The following ARHGAP21 variants were observed in gnomAD, a reference collection of about 807,000 sequenced individuals.
The protein encoded by ARHGAP21 is rho GTPase-activating protein 21.
Under a neutral mutation model 164.6 loss-of-function variants are expected in ARHGAP21, and 38 were observed. That is an observed-to-expected ratio of 0.23 (90% confidence interval 0.18 to 0.30). The LOEUF (loss-of-function observed/expected upper bound fraction) is 0.30. Among genes scored for constraint, ARHGAP21 ranks in the 10% least tolerant of loss-of-function variants. The pLI is 1.00. For synonymous variants in ARHGAP21, 766 were observed against 857.9 expected (o/e 0.89, Z 1.87); for missense variants, 1,822 against 2,370.7 (o/e 0.77, Z 4.81).
chr10:24,652,370 A>T (rs796520015), intron 4 of ARHGAP21, among the ~76,000 whole-genome samples: 121 of 152,318 alleles, frequency 7.9e-4, no homozygotes, highest in African/African-American at 2.7e-3. Context: ...CTTAATTGTG[A>T]ATAACGCATC....
intron 2 of ARHGAP21, among the ~76,000 whole-genome samples, chr10:24,672,520 A>C (rs1840809161): frequency 6.6e-6 from 1 of 152,128 alleles, no homozygotes; most frequent in African/African-American, 2.4e-5. Context: ...ATTATTCCCA[A>C]ATCTGTATTT....
At chr10:24,593,979 A>C (rs2130807660) in intron 21 of ARHGAP21, among the ~76,000 whole-genome samples, 1 of 151,994 alleles carries the variant, frequency 6.6e-6, no homozygotes, top group South Asian at 2.1e-4. Context: ...AGAGGTTGAC[A>C]CTCTTCTCAT....
chr10:24,675,629 T>C lies in ARHGAP21; in HGVS notation c.64-5232A>G, dbSNP rs573303293. ...AGAAGCAGCAATAGGATGCTTATCA[T>C]GAAATTCAAGAAAGTGGTTATCCTG... is the stretch of plus-strand genomic sequence containing the variant. On this transcript the variant is annotated intron_variant, in intron 2 of 25. Coordinates refer to ENST00000396432, the MANE Select transcript of ARHGAP21 (RefSeq NM_020824.4). Among the ~76,000 whole-genome samples the C allele has an allele frequency of 2.6e-5, 4 of 152,238 alleles. No individual in the cohort carries two copies. In the South Asian group the frequency reaches 6.2e-4, roughly 24 times the overall value.
At chr10:24,656,389 TG>T (rs1252374689) in intron 4 of ARHGAP21, among the ~76,000 whole-genome samples, 22 of 67,774 alleles carry the variant, frequency 3.2e-4, no homozygotes, top group African/African-American at 7.5e-4. Flanking sequence ...GGGAGGGAGG[TG>T]GGGGGGTCAG....
chr10:24,701,240 G>A (rs146019509), intron 2 of ARHGAP21, among the ~76,000 whole-genome samples: 146 of 152,264 alleles, frequency 9.6e-4, no homozygotes, highest in African/African-American at 3.2e-3. Context: ...TTTCCCCAGG[G>A]AGAGAGGGAA....
intron 4 of ARHGAP21, among the ~76,000 whole-genome samples, chr10:24,644,517 T>C (rs1837372552): frequency 6.6e-6 from 1 of 152,156 alleles, no homozygotes. Context: ...GTCTTCCTCC[T>C]CCCTTCCGTC....
At chr10:24,605,456 G>A (rs951643088) in intron 11 of ARHGAP21, among the ~76,000 whole-genome samples, 7 of 152,130 alleles carry the variant, frequency 4.6e-5, no homozygotes, top group African/African-American at 1.4e-4. Flanking sequence ...ACCTTATAAT[G>A]AGGAAGAAAT....
chr10:24,652,269 G>C (rs763210515), intron 4 of ARHGAP21, among the ~76,000 whole-genome samples: 2 of 152,198 alleles, frequency 1.3e-5, no homozygotes, highest in Non-Finnish European at 2.9e-5. Flanking sequence ...CCACAAAATA[G>C]TGTGGGGCCA....
chr10:24,694,244 T>C (rs1337533925), intron 2 of ARHGAP21, among the ~76,000 whole-genome samples: 1 of 152,218 alleles, frequency 6.6e-6, no homozygotes. Context: ...TGTGGTAAGC[T>C]TAACATAAAT....
At chr10:24,674,294 G>A (rs1186874335) in intron 2 of ARHGAP21, among the ~76,000 whole-genome samples, 2 of 152,176 alleles carry the variant, frequency 1.3e-5, no homozygotes, top group African/African-American at 4.8e-5. Flanking sequence ...AGCACTTTGG[G>A]AGGCTAAAGT....
chr10:24,665,131 C>T (rs547445422), intron 4 of ARHGAP21, among the ~76,000 whole-genome samples: 21 of 152,216 alleles, frequency 1.4e-4, no homozygotes, highest in African/African-American at 5.1e-4. Flanking sequence ...ATGCCAGCTT[C>T]GTGAGTTTTC....
At chr10:24,690,847 T>C (rs1003838084) in intron 2 of ARHGAP21, among the ~76,000 whole-genome samples, 1 of 149,852 alleles carries the variant, frequency 6.7e-6, no homozygotes, top group East Asian at 1.9e-4. Flanking sequence ...AATATATATA[T>C]ATATATACAC....
chr10:24,619,262 T>G (rs1276860871), intron 9 of ARHGAP21, among the ~76,000 whole-genome samples: 4 of 43,768 alleles, frequency 9.1e-5, no homozygotes, highest in Non-Finnish European at 2.7e-4. Flanking sequence ...GAAGTTTTTG[T>G]TTTTTTTTTA....
At chr10:24,711,737 A>C (rs1177619830) in intron 2 of ARHGAP21, among the ~76,000 whole-genome samples, 2 of 152,146 alleles carry the variant, frequency 1.3e-5, no homozygotes, top group Non-Finnish European at 2.9e-5. Flanking sequence ...CAACACTTTT[A>C]AGTTGTACAC....
chr10:24,698,081 T>C (rs1843341377), intron 2 of ARHGAP21, among the ~76,000 whole-genome samples: 1 of 152,106 alleles, frequency 6.6e-6, no homozygotes, highest in South Asian at 2.1e-4. Flanking sequence ...GGACCTATTG[T>C]ATAGCTTGTA....
At position 24,619,505 on chromosome 10, in the gene ARHGAP21, G is replaced by C; in HGVS notation, c.2390C>G (p.Pro797Arg). 6.2e-7 allele frequency: 1 copy of C among 1,614,082 alleles called. No homozygotes were observed. The highest frequency in any genetic ancestry group is 8.5e-7 in the Non-Finnish European group (1 of 1,180,026). ...TGGGATGGAAGCCAAAGAATCGCCA[G>C]GCGGACTGGTACTCGAGGCTTTTCT... is the stretch of plus-strand genomic sequence containing the variant. ...EERKASSTSP[P>R]GDSLASIPFI... The change falls in exon 9 of 26, where the codon CCT becomes CGT. Residue 797 changes from proline (P) to arginine (R), a missense_variant. Pro to Arg is a moderately radical substitution (Grantham distance 103). Around this residue, in one of 5 missense-constraint regions of ARHGAP21, gnomAD observed 1,090 missense variants for 1,378.9 expected, o/e 0.79. Transcript: ENST00000396432.
chr10:24,612,698 CA>C (rs369163039), intron 9 of ARHGAP21, among the ~76,000 whole-genome samples: 14 of 151,422 alleles, frequency 9.2e-5, no homozygotes, highest in African/African-American at 2.4e-4. Context: ...ACTAAAAATA[CA>C]AAAAAATTAG....
chr10:24,596,948 T>G lies in ARHGAP21; in HGVS notation c.3335-66A>C, dbSNP rs2076609830. The G allele has an allele frequency of 2.0e-6, 3 of 1,501,852 alleles. 1 individual carries two copies. In the South Asian group the frequency reaches 3.8e-5, roughly 19 times the overall value. 93.0% of individuals were successfully genotyped at this position (1,501,852 alleles called of 1,614,324 possible). A position where few individuals can be genotyped will look rare whatever the true frequency, so the allele number is the denominator to read the frequency against. On this transcript the variant is annotated intron_variant, in intron 16 of 25. Coordinates refer to ENST00000396432, the MANE Select transcript of ARHGAP21 (RefSeq NM_020824.4). ...GAAATGAGTGTCTAAATCATGACTT[T>G]AAAAACACTTTATCAATGTTTACAT...
intron 4 of ARHGAP21, among the ~76,000 whole-genome samples, chr10:24,636,563 G>A (rs1041911142): frequency 1.3e-5 from 2 of 152,170 alleles, no homozygotes; most frequent in African/African-American, 4.8e-5. Context: ...ATGATTGAGT[G>A]TCAAATACAA....
Sources: gnomAD v4.1 joint callset for allele counts (sites outside exome capture counted in the v4.1 genomes callset) on GRCh38, gnomAD v4.1.1 for gene constraint, gnomAD v4.1.1 regional missense constraint, MANE v1.5 for transcripts, NCBI Gene and HGNC (gene_info 2026-07-23, HGNC 2026-07-21) for gene names.